MALRD1: variants seen among roughly 807,000 people sequenced by gnomAD.
MALRD1 encodes MAM and LDL-receptor class A domain-containing protein 1.
A neutral mutation model predicts 242.1 loss-of-function variants in MALRD1; 247 were observed. The observed-to-expected ratio is 1.02, with a 90% confidence interval of 0.92 to 1.13. The LOEUF (loss-of-function observed/expected upper bound fraction) is 1.13. Among genes scored for constraint, MALRD1 ranks in the 50% most tolerant of loss-of-function variants. MALRD1 has a pLI of 0.00. For missense variants in MALRD1, 2,989 were observed against 2,533.1 expected (o/e 1.18, Z -3.86); for synonymous variants, 995 against 866.6 (o/e 1.15, Z -2.60).
At chr10:19,344,436 T>G (rs1361355581) in intron 24 of MALRD1, among the ~76,000 whole-genome samples, 1 of 152,056 alleles carries the variant, frequency 6.6e-6, no homozygotes, top group Non-Finnish European at 1.5e-5. Flanking sequence ...ATTGTTTTTG[T>G]ACCTTTGTCA....
intron 38 of MALRD1, among the ~76,000 whole-genome samples, chr10:19,696,889 C>A (rs1418049850): frequency 6.6e-6 from 1 of 152,104 alleles, no homozygotes; most frequent in Non-Finnish European, 1.5e-5. Context: ...ACACTCCAAC[C>A]TGGGTGACAA....
intron 36 of MALRD1, among the ~76,000 whole-genome samples, chr10:19,670,073 C>T (rs1326777041): frequency 6.6e-6 from 1 of 151,166 alleles, no homozygotes; most frequent in African/African-American, 2.4e-5. Context: ...CGTGCACACA[C>T]ACACACACAC....
intron 33 of MALRD1, among the ~76,000 whole-genome samples, chr10:19,570,902 T>G (rs76781408): frequency 0.03 from 4,639 of 152,206 alleles, 103 homozygotes; most frequent in Non-Finnish European, 0.042. Context: ...ATAATGATGT[T>G]ACTTTATCAA....
chr10:19,189,319 G>T (rs180934902), intron 14 of MALRD1, among the ~76,000 whole-genome samples: 208 of 152,154 alleles, frequency 1.4e-3, no homozygotes, highest in African/African-American at 4.4e-3. Context: ...AATAATAAAA[G>T]ATCTGCTAAC....
intron 35 of MALRD1, among the ~76,000 whole-genome samples, chr10:19,610,226 A>G (rs1838832140): frequency 6.6e-6 from 1 of 151,926 alleles, no homozygotes; most frequent in South Asian, 2.1e-4. Flanking sequence ...TTGTGGTACG[A>G]ACGTTGAAGA....
At chr10:19,607,968 A>G in intron 35 of MALRD1, 66 bp downstream of exon 35, 1 of 1,517,754 alleles carries the variant, frequency 6.6e-7, no homozygotes, top group Non-Finnish European at 8.9e-7. Context: ...ACACAATGAA[A>G]ATATTAAAAC....
At chr10:19,270,456 A>G (rs1006795234) in intron 19 of MALRD1, among the ~76,000 whole-genome samples, 2 of 152,064 alleles carry the variant, frequency 1.3e-5, no homozygotes, top group Admixed American at 6.6e-5. Flanking sequence ...AATGTTAACT[A>G]TAACATAGCG....
Position 19,635,764 on chromosome 10 carries a change from C to G in MALRD1, c.6137+19841C>G, listed in dbSNP as rs569149449. Among the ~76,000 whole-genome samples the G allele has an allele frequency of 2.0e-5, 3 of 152,186 alleles. No individual in the cohort carries two copies. In the South Asian group the frequency reaches 6.2e-4, roughly 32 times the overall value. On this transcript the variant is annotated intron_variant, in intron 36 of 39. Transcript: ENST00000454679. ...TTGCATAAAATAACCTCAAAATTAA[C>G]ACACAAAATGCTCTCACACACATGC... is the stretch of plus-strand genomic sequence containing the variant.
intron 29 of MALRD1, among the ~76,000 whole-genome samples, chr10:19,453,581 C>T (rs1239385285): frequency 2.0e-5 from 3 of 152,184 alleles, no homozygotes; most frequent in South Asian, 4.1e-4. Flanking sequence ...ACTCCCATCT[C>T]TATAAAAATT....
At chr10:19,306,219 C>CTATAT (rs1842186375) in intron 21 of MALRD1, among the ~76,000 whole-genome samples, 1 of 127,546 alleles carries the variant, frequency 7.8e-6, no homozygotes, top group South Asian at 2.4e-4. Flanking sequence ...TATACACACA[C>CTATAT]ATACTATATA....
chr10:19,712,113 A>G (rs1006624318), intron 38 of MALRD1, among the ~76,000 whole-genome samples: 4 of 152,154 alleles, frequency 2.6e-5, no homozygotes, highest in Non-Finnish European at 4.4e-5. Context: ...ATCAATTTCT[A>G]TGTTTAGTCA....
intron 10 of MALRD1, among the ~76,000 whole-genome samples, chr10:19,144,311 C>A (rs77920505): frequency 6.6e-6 from 1 of 152,148 alleles, no homozygotes; most frequent in Non-Finnish European, 1.5e-5. Context: ...TATTTTTGAA[C>A]CACTATTGGT....
At chr10:19,377,078 A>C (rs1234754954) in intron 26 of MALRD1, among the ~76,000 whole-genome samples, 1 of 152,222 alleles carries the variant, frequency 6.6e-6, no homozygotes, top group African/African-American at 2.4e-5. Context: ...AATGCAAACT[A>C]TAACATATTA....
chr10:19,531,257 T>C lies in MALRD1; in HGVS notation c.5384T>C (p.Ile1795Thr), dbSNP rs1834401980. Residue 1795 changes from isoleucine to threonine, a missense_variant, in exon 32 of 40, where the codon ATT becomes ACT. Transcript: ENST00000454679. Reference protein sequence around the residue: ...SGSKEGSVARITTSKSFPASL... With the variant: ...SGSKEGSVARTTTSKSFPASL... ...TCCAAGGAAGGATCCGTTGCCAGAATTACTACTTCCAAATCCTTCCCAGCA... is the reference window on the plus strand; with the variant it reads ...TCCAAGGAAGGATCCGTTGCCAGAACTACTACTTCCAAATCCTTCCCAGCA... 6.4e-7 allele frequency: 1 copy of C among 1,550,522 alleles called. No homozygotes were observed.
At chr10:19,100,874 A>G (rs543994401) in intron 4 of MALRD1, among the ~76,000 whole-genome samples, 55 of 152,278 alleles carry the variant, frequency 3.6e-4, no homozygotes, top group Admixed American at 1.0e-3. Context: ...TTTTTAAACT[A>G]TGGTGACTGC....
At chr10:19,230,536 T>G (rs896246723) in intron 18 of MALRD1, among the ~76,000 whole-genome samples, 1 of 152,112 alleles carries the variant, frequency 6.6e-6, no homozygotes, top group South Asian at 2.1e-4. Flanking sequence ...GGGTAAGAAC[T>G]CATTCATTAC....
chr10:19,213,871 G>C (rs1837183196), intron 18 of MALRD1, among the ~76,000 whole-genome samples: 1 of 152,054 alleles, frequency 6.6e-6, no homozygotes, highest in Admixed American at 6.6e-5. Context: ...TCATTAGGTG[G>C]GATCAGACCA....
At position 19,209,372 on chromosome 10, in the gene MALRD1, A is replaced by T. The variant is rs1054404555; in HGVS notation, c.2683A>T (p.Asn895Tyr). The change falls in exon 18 of 40, where the codon AAC (asparagine) becomes TAC (tyrosine). Residue 895 changes from asparagine (N) to tyrosine (Y), a missense_variant. Coordinates refer to ENST00000454679, the MANE Select transcript of MALRD1 (RefSeq NM_001142308.3). ...TRSQGPTPTLNTGPMKDNTLG... is the reference protein window; with the variant it reads ...TRSQGPTPTLYTGPMKDNTLG... ...GAGCCAGGGTCCAACTCCAACACTT[A>T]ACACAGGGCCAATGAAAGATAACAC... is the stretch of plus-strand genomic sequence containing the variant. The T allele has an allele frequency of 2.6e-6, 4 of 1,550,874 alleles. No homozygotes were observed. Among genetic ancestry groups the T allele is most frequent in the Non-Finnish European group, 3.5e-6 (4 of 1,147,082 alleles).
intron 26 of MALRD1, among the ~76,000 whole-genome samples, chr10:19,386,900 T>A (rs1438942902): frequency 6.6e-6 from 1 of 152,178 alleles, no homozygotes; most frequent in East Asian, 1.9e-4. Context: ...AAAGCATTGC[T>A]TTTTCTCATG....
Sources: allele counts gnomAD v4.1 joint callset (sites outside exome capture counted in the v4.1 genomes callset), GRCh38; gene constraint gnomAD v4.1.1; transcripts MANE v1.5; gene names NCBI Gene and HGNC (gene_info 2026-07-23, HGNC 2026-07-21).